PDZD2: variants seen among roughly 807,000 people sequenced by gnomAD.
PDZD2 encodes the protein PDZ domain containing 2, also known as PDZ domain-containing protein 2.
In PDZD2, 90 loss-of-function variants were observed where a neutral mutation model predicts 220.7. That is an observed-to-expected ratio of 0.41 (90% CI 0.34 to 0.49). The LOEUF (loss-of-function observed/expected upper bound fraction) is 0.49, where lower values mean the gene tolerates loss of function less well. PDZD2 is among the 20% of genes least tolerant of loss of function. The pLI, the probability that PDZD2 is intolerant of heterozygous loss-of-function variation, is 0.28. For synonymous variants in PDZD2, 1,375 were observed against 1,450.5 expected (o/e 0.95, Z 1.18); for missense variants, 3,174 against 3,608.5 (o/e 0.88, Z 3.08).
chr5:31,720,066 G>C (rs1437085277), intron 1 of PDZD2, among the ~76,000 whole-genome samples: 2 of 152,228 alleles, frequency 1.3e-5, no homozygotes, highest in Admixed American at 6.5e-5. Context: ...CTGAGTACAA[G>C]ACACTACTTT....
intron 1 of PDZD2, among the ~76,000 whole-genome samples, chr5:31,729,268 T>C (rs1315445718): frequency 1.3e-5 from 2 of 152,032 alleles, no homozygotes; most frequent in Non-Finnish European, 2.9e-5. Context: ...GGCTAATTTT[T>C]GTATTTTTAG....
intron 1 of PDZD2, among the ~76,000 whole-genome samples, chr5:31,727,820 G>A (rs1749261472): frequency 6.6e-6 from 1 of 151,512 alleles, no homozygotes; most frequent in South Asian, 2.1e-4. Context: ...TGGCTAACAC[G>A]GTGAAACCCC....
intron 1 of PDZD2, among the ~76,000 whole-genome samples, chr5:31,740,951 C>A (rs2150166243): frequency 6.6e-6 from 1 of 152,322 alleles, no homozygotes; most frequent in South Asian, 2.1e-4. Flanking sequence ...CTTATTTCAA[C>A]TTTAGCAGAA....
chr5:31,909,773 T>C (rs1743007322), intron 2 of PDZD2, among the ~76,000 whole-genome samples: 1 of 152,240 alleles, frequency 6.6e-6, no homozygotes, highest in South Asian at 2.1e-4. Context: ...ATATAGTTTA[T>C]GAAGCAAATT....
chr5:31,799,518 C>T lies in PDZD2; in HGVS notation c.270C>T (p.Ile90=), dbSNP rs1754261017. 2 of 1,614,160 alleles carry T rather than the reference C, an allele frequency of 1.2e-6. No individual in the cohort carries two copies. The highest frequency in any genetic ancestry group is 1.7e-6 in the Non-Finnish European group (2 of 1,180,024). ...TETVGLSFGN[I]PVFGDYGEKR... is the part of the protein sequence containing the mutation. Reference sequence around the variant, plus strand: ...CTGTGGGCCTGAGTTTTGGGAACATCCCTGTTTTCGGGGACTATGGTGAAA... The same window carrying T: ...CTGTGGGCCTGAGTTTTGGGAACATTCCTGTTTTCGGGGACTATGGTGAAA... Residue 90 remains isoleucine (I), a synonymous_variant, in exon 2 of 25, where the codon ATC becomes ATT. Transcript: ENST00000438447.
rs564228466 is a variant in PDZD2, at chr5:32,074,042, A to G, written c.2936A>G (p.Glu979Gly). The G allele has an allele frequency of 9.3e-6, 15 of 1,613,924 alleles. No homozygotes were observed. The African/African-American group carries it at 9.3e-5, about 10-fold the overall frequency. ...DASDEEEFDR[E>G]GDCISLPGAL... ...AGTGATGAGGAAGAGTTTGACAGAG[A>G]AGGGGACTGCATTTCACTCCCAGGG... The change falls in exon 18 of 25, where the codon GAA becomes GGA. Residue 979 changes from glutamate to glycine, a missense_variant. Transcript: ENST00000438447.
intron 1 of PDZD2, among the ~76,000 whole-genome samples, chr5:31,775,664 C>CATGT (rs1554073325): frequency 7.4e-6 from 1 of 135,374 alleles, no homozygotes; most frequent in Non-Finnish European, 1.6e-5. Context: ...ACTCACAGAG[C>CATGT]GTGTGTGTGT....
chr5:32,090,059 G>A lies in PDZD2; in HGVS notation c.6611G>A (p.Gly2204Glu), dbSNP rs767937935. 2 of 1,613,482 alleles carry A rather than the reference G, an allele frequency of 1.2e-6. No homozygotes were observed. The change falls in exon 20 of 25, where the codon GGG (glycine) becomes GAG (glutamate). Residue 2204 changes from glycine to glutamate, a missense_variant. Physicochemically the swap from Gly to Glu is moderately conservative, Grantham distance 98. Around this residue, in one of 4 missense-constraint regions of PDZD2, gnomAD observed 1,861 missense variants for 2,001.0 expected, o/e 0.93. Coordinates refer to ENST00000438447, the MANE Select transcript of PDZD2 (RefSeq NM_178140.4). The surrounding 1 kb of genome is among the most constrained non-coding windows in gnomAD (Gnocchi z 4.3). Reference sequence around the variant, plus strand: ...GGGGTGCCCAGAAACAGCATTCCAGGGGGCCCCTCGGGGGAGGACCATCTC... The same window carrying A: ...GGGGTGCCCAGAAACAGCATTCCAGAGGGCCCCTCGGGGGAGGACCATCTC... ...SRGVPRNSIPGGPSGEDHLYF... is the reference protein window; with the variant it reads ...SRGVPRNSIPEGPSGEDHLYF...
chr5:31,720,996 G>A (rs1019116386), intron 1 of PDZD2, among the ~76,000 whole-genome samples: 6 of 152,178 alleles, frequency 3.9e-5, no homozygotes, highest in African/African-American at 7.2e-5. Context: ...GGGGGAAAAC[G>A]AGAGAGGCAG....
intron 2 of PDZD2, among the ~76,000 whole-genome samples, chr5:31,903,644 CAA>C (rs59822169): frequency 0.14 from 14,260 of 99,824 alleles, 560 homozygotes; most frequent in African/African-American, 0.22. Flanking sequence ...GACCCTGTCT[CAA>C]AAAAAAAAAA....
Position 32,089,737 on chromosome 5 carries a change from G to C in PDZD2, c.6289G>C (p.Ala2097Pro), listed in dbSNP as rs1297143348. 1 of 1,614,212 alleles carries C rather than the reference G, an allele frequency of 6.2e-7. No individual in the cohort carries two copies. Among genetic ancestry groups the C allele is most frequent in the Non-Finnish European group, 8.5e-7 (1 of 1,180,040 alleles). The change falls in exon 20 of 25, where the codon GCT (alanine) becomes CCT (proline). Residue 2097 changes from alanine (A) to proline (P), a missense_variant. Around this residue, in one of 4 missense-constraint regions of PDZD2, gnomAD observed 1,861 missense variants for 2,001.0 expected, o/e 0.93. Coordinates refer to ENST00000438447, the MANE Select transcript of PDZD2 (RefSeq NM_178140.4). ...CCAGCTGAAAATCGTGGAGATTTCT[G>C]CTGAAGCAGTGTCAGAGACTGTATG... ...TNQLKIVEIS[A>P]EAVSETVCGN...
chr5:32,028,673 TTG>T (rs869029047), intron 6 of PDZD2, among the ~76,000 whole-genome samples: 110 of 99,654 alleles, frequency 1.1e-3, no homozygotes, highest in South Asian at 2.3e-3. Flanking sequence ...TTTTTTTTTT[TTG>T]TTTTTTTTGT....
chr5:31,834,623 C>T lies in PDZD2; in HGVS notation c.476+34899C>T, dbSNP rs570947058. On this transcript the variant is annotated intron_variant, in intron 2 of 24. Transcript: ENST00000438447. ...TTTTTTCATTTTGGTATTTCAAGCC[C>T]CACAGGTGGTAGATGACCTCAGCTT... Among the ~76,000 whole-genome samples the T allele has an allele frequency of 9.9e-5, 15 of 151,808 alleles. No homozygotes were observed. The South Asian group carries it at 2.9e-3, about 30-fold the overall frequency.
chr5:31,989,427 T>TTTTTTTTTTTTATTTTTTTTATTTA (rs1751025879), intron 3 of PDZD2, among the ~76,000 whole-genome samples: 5 of 144,778 alleles, frequency 3.5e-5, no homozygotes, highest in African/African-American at 1.1e-4. Flanking sequence ...TTTTCTTTTT[T>TTTTTTTTTTTTATTTTTTTTATTTA]TTTTTTTTTT....
chr5:31,997,276 G>T (rs989766804), intron 4 of PDZD2, among the ~76,000 whole-genome samples: 4 of 152,150 alleles, frequency 2.6e-5, no homozygotes, highest in African/African-American at 9.7e-5. Context: ...GGACACAGAA[G>T]GATATCACAT....
At chr5:31,868,626 G>T (rs1231540614) in intron 2 of PDZD2, among the ~76,000 whole-genome samples, 1 of 152,134 alleles carries the variant, frequency 6.6e-6, no homozygotes, top group African/African-American at 2.4e-5. Flanking sequence ...GACCGTGGAT[G>T]CCCTTAATAA....
intron 2 of PDZD2, chr5:31,936,118 G>A (rs1488457377): frequency 1.4e-5 from 14 of 987,548 alleles, no homozygotes; most frequent in Non-Finnish European, 1.7e-5. Context: ...AGGTGAAGCC[G>A]GGAGGAGAGA....
At chr5:31,716,775 G>C (rs565396150) in intron 1 of PDZD2, among the ~76,000 whole-genome samples, 1 of 152,166 alleles carries the variant, frequency 6.6e-6, no homozygotes, top group Non-Finnish European at 1.5e-5. Flanking sequence ...TGCACTCCAG[G>C]CTGGGTGACA....
chr5:31,988,009 C>G (rs1581220999), intron 3 of PDZD2, among the ~76,000 whole-genome samples: 1 of 152,196 alleles, frequency 6.6e-6, no homozygotes, highest in East Asian at 1.9e-4. Context: ...CAGGGCTAGG[C>G]TGCTTTCATT....
Sources: allele counts gnomAD v4.1 joint callset (sites outside exome capture counted in the v4.1 genomes callset), GRCh38; gene constraint gnomAD v4.1.1; regional missense constraint gnomAD v4.1.1; non-coding constraint Gnocchi (gnomAD v3.1); transcripts MANE v1.5; gene names NCBI Gene and HGNC (gene_info 2026-07-23, HGNC 2026-07-21).